KIAA1549: variants seen among roughly 807,000 people sequenced by gnomAD.
The protein encoded by KIAA1549 is KIAA1549.
Under a neutral mutation model 156.4 loss-of-function variants are expected in KIAA1549, and 70 were observed. That is an observed-to-expected ratio of 0.45 (90% CI 0.37 to 0.55). KIAA1549 has a LOEUF of 0.55. Ranked by LOEUF, KIAA1549 falls within the 20% of genes least tolerant of loss-of-function variation. The pLI, the probability that KIAA1549 is intolerant of heterozygous loss-of-function variation, is 0.00. For missense variants in KIAA1549, 2,428 were observed against 2,540.9 expected, an observed-to-expected ratio of 0.96 and a Z score of 0.96; for synonymous variants, 1,103 against 1,066.4, an observed-to-expected ratio of 1.03 and a Z score of -0.67.
intron 1 of KIAA1549, among the ~76,000 whole-genome samples, chr7:138,942,600 C>T (rs1042137448): frequency 2.0e-5 from 3 of 151,842 alleles, no homozygotes; most frequent in East Asian, 1.9e-4. Context: ...GTGATACATG[C>T]GCTCCCTTAC....
intron 15 of KIAA1549, among the ~76,000 whole-genome samples, chr7:138,866,591 G>A (rs1455832295): frequency 1.3e-5 from 2 of 152,198 alleles, no homozygotes; most frequent in South Asian, 2.1e-4. Context: ...AGGACGCCCT[G>A]TGTTTCCCAG....
intron 1 of KIAA1549, among the ~76,000 whole-genome samples, chr7:138,964,257 A>C (rs1813946774): frequency 6.6e-6 from 1 of 152,204 alleles, no homozygotes; most frequent in Non-Finnish European, 1.5e-5. Flanking sequence ...CCTGCAAGCA[A>C]AGCCTGTGAG....
intron 1 of KIAA1549, among the ~76,000 whole-genome samples, chr7:138,950,830 G>C (rs1000198898): frequency 2.0e-5 from 3 of 152,014 alleles, no homozygotes; most frequent in Non-Finnish European, 4.4e-5. Context: ...TCTCTACCCT[G>C]CTGAGGTTAT....
intron 8 of KIAA1549, among the ~76,000 whole-genome samples, chr7:138,901,485 C>T (rs1487546363): frequency 1.3e-5 from 2 of 151,844 alleles, no homozygotes; most frequent in African/African-American, 4.8e-5. Flanking sequence ...ACCACCATGC[C>T]CAGATAATTT....
chr7:138,948,500 C>T (rs541687241), intron 1 of KIAA1549, among the ~76,000 whole-genome samples: 6 of 152,238 alleles, frequency 3.9e-5, no homozygotes, highest in African/African-American at 9.6e-5. Context: ...GCTCCAAAAC[C>T]GTGAGAGTAA....
Position 138,912,533 on chromosome 7 carries a change from C to G in KIAA1549, c.2879-73G>C, listed in dbSNP as rs1280047820. On this transcript the variant is annotated intron_variant, in intron 2 of 19. Coordinates refer to ENST00000422774, the MANE Select transcript of KIAA1549 (RefSeq NM_001164665.2). ...TAACAAACACACCAGACTTCTGGAC[C>G]CCAGCACTGTGCCAAAATGTGTTAG... is the stretch of plus-strand genomic sequence containing the variant. 2.4e-6 allele frequency: 3 copies of G among 1,266,864 alleles called. No homozygotes were observed. The Admixed American group carries it at 5.2e-5, about 22-fold the overall frequency. The allele number at this position is 1,266,864 out of a possible 1,614,324, so 78.5% of individuals were successfully genotyped here. A position where few individuals can be genotyped will look rare whatever the true frequency, so the allele number is the denominator to read the frequency against.
In KIAA1549 at chr7:138,916,832, T is replaced by C. The variant is rs1812334716; in HGVS notation, c.2794A>G (p.Thr932Ala). The change falls in exon 2 of 20, where the codon ACA becomes GCA. Residue 932 changes from threonine (T) to alanine (A), a missense_variant. Around this residue, in one of 5 missense-constraint regions of KIAA1549, gnomAD observed 762 missense variants for 901.6 expected, o/e 0.85. Transcript: ENST00000422774. ...GTAGCCAGTGTTGGTGTGTCGACTG[T>C]TGCTTCGAGAGTGAAGGCAGTCACG... The part of the protein sequence containing the change: ...RPVTAFTLEA[T>A]VDTPTLATAK... 6.2e-7 allele frequency: 1 copy of C among 1,613,984 alleles called. No homozygotes were observed. The highest frequency in any genetic ancestry group is 8.5e-7 in the Non-Finnish European group (1 of 1,179,896).
At chr7:138,944,906 T>C (rs1253708731) in intron 1 of KIAA1549, among the ~76,000 whole-genome samples, 1 of 152,222 alleles carries the variant, frequency 6.6e-6, no homozygotes, top group African/African-American at 2.4e-5. Context: ...TGGACCCCTG[T>C]CCACTGCCCA....
At chr7:138,902,951 T>C (rs963669179) in intron 8 of KIAA1549, among the ~76,000 whole-genome samples, 1 of 152,204 alleles carries the variant, frequency 6.6e-6, no homozygotes, top group African/African-American at 2.4e-5. Flanking sequence ...TGATCTTCTT[T>C]GGTTGGTTGA....
At chr7:138,909,237 A>G in intron 4 of KIAA1549, 116 bp from the exon 5 acceptor site, 1 of 1,040,958 alleles carries the variant, frequency 9.6e-7, no homozygotes, top group Non-Finnish European at 1.4e-6. Flanking sequence ...ATAGTATGGG[A>G]TTAAGTACTG....
intron 7 of KIAA1549, 114 bp from the exon 8 acceptor site, chr7:138,903,850 TGTGCGC>T (rs1224235644): frequency 7.9e-4 from 292 of 368,192 alleles, no homozygotes; most frequent in Non-Finnish European, 9.4e-4. Context: ...TGTGTGTGTG[TGTGCGC>T]GCGCGCGCGC....
chr7:138,883,804 G>C (rs1811315723), intron 10 of KIAA1549, among the ~76,000 whole-genome samples: 1 of 152,174 alleles, frequency 6.6e-6, no homozygotes, highest in South Asian at 2.1e-4. Context: ...CTTCCCTCCT[G>C]CCCAGGCATA....
chr7:138,932,731 A>G (rs1812906744), intron 1 of KIAA1549, among the ~76,000 whole-genome samples: 2 of 152,116 alleles, frequency 1.3e-5, no homozygotes, highest in Admixed American at 1.3e-4. Context: ...GATCTTTAGC[A>G]TCACCCGGGA....
intron 10 of KIAA1549, among the ~76,000 whole-genome samples, chr7:138,885,625 T>C (rs1563063162): frequency 6.6e-6 from 1 of 152,200 alleles, no homozygotes; most frequent in Non-Finnish European, 1.5e-5. Flanking sequence ...CTTGGGCCAT[T>C]TACTCACAGC....
chr7:138,965,159 G>A (rs1813981014), intron 1 of KIAA1549, among the ~76,000 whole-genome samples: 1 of 152,018 alleles, frequency 6.6e-6, no homozygotes, highest in African/African-American at 2.4e-5. Flanking sequence ...AGGCCTCCCT[G>A]GTAACAGGAG....
chr7:138,834,700 G>GTT lies in KIAA1549; in HGVS notation c.*3204_*3205dup, dbSNP rs1809652280. On this transcript the variant is annotated 3_prime_UTR_variant, in exon 20 of 20. Transcript: ENST00000422774. The stretch of plus-strand genomic sequence containing the variant: ...GAAACTGAGTCACACCGAGCTTTCG[G>GTT]TTTTGCTCATTACCCATGTGTGAAC... 2 of 232,534 alleles carry GTT rather than the reference G, an allele frequency of 8.6e-6. No homozygotes were observed. The highest frequency in any genetic ancestry group is 4.4e-5 in the African/African-American group (2 of 45,278). 14.4% of individuals were successfully genotyped at this position (232,534 alleles called of 1,614,324 possible). A position where few individuals can be genotyped will look rare whatever the true frequency, so the allele number is the denominator to read the frequency against.
chr7:138,906,058 G>T (rs577217793), intron 6 of KIAA1549, among the ~76,000 whole-genome samples: 1 of 152,254 alleles, frequency 6.6e-6, no homozygotes, highest in South Asian at 2.1e-4. Context: ...TGTACTTTTT[G>T]ATAGCACCCC....
At chr7:138,891,829 C>T (rs1200506965) in intron 10 of KIAA1549, among the ~76,000 whole-genome samples, 1 of 152,182 alleles carries the variant, frequency 6.6e-6, no homozygotes, top group Non-Finnish European at 1.5e-5. Context: ...CATCTCTGCA[C>T]ATTACCCTGA....
rs1172079070 is a variant in KIAA1549 at position 138,838,072 on chromosome 7, C to G, written c.5687G>C (p.Gly1896Ala). The G allele has an allele frequency of 3.1e-6, 5 of 1,590,608 alleles. No individual in the cohort carries two copies. Among genetic ancestry groups the G allele is most frequent in the Middle Eastern group, 1.7e-4 (1 of 6,024 alleles). The change falls in exon 20 of 20, where the codon GGG becomes GCG. Residue 1896 changes from glycine (G) to alanine (A), a missense_variant. Gly to Ala is a moderately conservative substitution (Grantham distance 60, BLOSUM62 0). This residue lies in a region of KIAA1549 where 363 missense variants were observed against 354.0 expected (regional missense o/e 1.03). Transcript: ENST00000422774. ...TSGREPSAPSGNLPHRGLQGP... is the reference protein window; with the variant it reads ...TSGREPSAPSANLPHRGLQGP... ...CTGCAGTCCCCGGTGGGGGAGGTTC[C>G]CGGAAGGAGCTGAGGGCTCCCTGCC...
Sources: gnomAD v4.1 joint callset for allele counts (sites outside exome capture counted in the v4.1 genomes callset) on GRCh38, gnomAD v4.1.1 for gene constraint, gnomAD v4.1.1 regional missense constraint, MANE v1.5 for transcripts, NCBI Gene and HGNC (gene_info 2026-07-23, HGNC 2026-07-21) for gene names.